The following FAM20C variants were observed in gnomAD, a reference collection of about 807,000 sequenced individuals.
The protein encoded by FAM20C is FAM20C golgi associated secretory pathway kinase.
Under a neutral mutation model 51.5 loss-of-function variants are expected in FAM20C, and 40 were observed. The observed-to-expected ratio is 0.78, with a 90% CI of 0.60 to 1.01. The LOEUF is 1.01. FAM20C is among the 50% of genes least tolerant of loss of function. The pLI, the probability that FAM20C is intolerant of heterozygous loss-of-function variation, is 0.00. For missense variants in FAM20C, 861 were observed against 844.7 expected (o/e 1.02, Z -0.24); for synonymous variants, 406 against 380.6 (o/e 1.07, Z -0.78).
chr7:214,302 G>A (rs1423821315), intron 3 of FAM20C, among the ~76,000 whole-genome samples: 2 of 151,876 alleles, frequency 1.3e-5, no homozygotes, highest in African/African-American at 4.8e-5. Flanking sequence ...TCCAGCCTGG[G>A]CAATAAGAGT....
chr7:217,136 G>A (rs1787021148), intron 3 of FAM20C, among the ~76,000 whole-genome samples: 2 of 152,142 alleles, frequency 1.3e-5, no homozygotes, highest in South Asian at 4.1e-4. Context: ...CCCCCCAGGG[G>A]TGAGCAGATG....
At chr7:199,022 A>C (rs939499823) in intron 2 of FAM20C, among the ~76,000 whole-genome samples, 1 of 152,242 alleles carries the variant, frequency 6.6e-6, no homozygotes, top group East Asian at 1.9e-4. Flanking sequence ...CAAGTGTGCC[A>C]TGGGAGCTGC....
At chr7:206,951 G>A (rs112433514) in intron 2 of FAM20C, among the ~76,000 whole-genome samples, 1 of 40,968 alleles carries the variant, frequency 2.4e-5, no homozygotes, top group African/African-American at 9.7e-5. Flanking sequence ...GTGAGGCGTC[G>A]GTCACGGCCC....
intron 3 of FAM20C, chr7:228,998 G>C: frequency 2.7e-6 from 1 of 369,788 alleles, no homozygotes; most frequent in Non-Finnish European, 5.4e-6. Flanking sequence ...AGGACCCGTA[G>C]TCGGGCCACA....
At chr7:214,126 G>A (rs1442459509) in intron 3 of FAM20C, among the ~76,000 whole-genome samples, 1 of 152,164 alleles carries the variant, frequency 6.6e-6, no homozygotes, top group Non-Finnish European at 1.5e-5. Flanking sequence ...GGGAGTTCAA[G>A]ACCAGCCTGA....
intron 3 of FAM20C, among the ~76,000 whole-genome samples, chr7:222,138 C>T (rs529944862): frequency 2.0e-5 from 3 of 152,282 alleles, no homozygotes; most frequent in Admixed American, 6.5e-5. Flanking sequence ...GCCAGAAGTG[C>T]GCAAGTCAGG....
intron 3 of FAM20C, among the ~76,000 whole-genome samples, chr7:213,949 G>A (rs1786845433): frequency 6.6e-6 from 1 of 152,208 alleles, no homozygotes; most frequent in Non-Finnish European, 1.5e-5. Flanking sequence ...ACGGGCCATT[G>A]ACGTGTCTTC....
At chr7:224,134 G>A (rs1237721509) in intron 3 of FAM20C, among the ~76,000 whole-genome samples, 1 of 148,818 alleles carries the variant, frequency 6.7e-6, no homozygotes, top group Non-Finnish European at 1.5e-5. Context: ...GCACCCTCAC[G>A]GGGGTCTCAC....
At chr7:251,944 C>G (rs1451025489) in intron 5 of FAM20C, among the ~76,000 whole-genome samples, 1 of 152,214 alleles carries the variant, frequency 6.6e-6, no homozygotes, top group Admixed American at 6.5e-5. Context: ...GAACGCAGCC[C>G]CTGGAACCCC....
chr7:222,039 ACAGGGCGGAGC>A (rs200614239), intron 3 of FAM20C, among the ~76,000 whole-genome samples: 3,853 of 97,784 alleles, frequency 0.039, 168 homozygotes, highest in African/African-American at 0.099. Flanking sequence ...GCATCTGGGC[ACAGGGCGGAGC>A]CTCGTCTCCA....
intron 3 of FAM20C, among the ~76,000 whole-genome samples, chr7:236,467 C>T (rs1410823008): frequency 6.6e-6 from 1 of 152,214 alleles, no homozygotes; most frequent in Non-Finnish European, 1.5e-5. Context: ...CCAGTAGACC[C>T]GATCTTCTCA....
chr7:251,457 G>T (rs1788402805), intron 5 of FAM20C, among the ~76,000 whole-genome samples: 1 of 152,104 alleles, frequency 6.6e-6, no homozygotes, highest in Non-Finnish European at 1.5e-5. Flanking sequence ...GGTCTAGGCT[G>T]CAGTGAGCTA....
In FAM20C at chr7:259,717, C is replaced by G; in HGVS notation, c.1506-14C>G. ...CCTGTCCCGTGCCAGGCCTGATGCC[C>G]CTCTCCTCCCCAGGATCCGGAAGTC... On this transcript the variant is annotated splice_polypyrimidine_tract_variant and intron_variant, in intron 9 of 9. Transcript: ENST00000313766. 6.5e-7 allele frequency: 1 copy of G among 1,528,080 alleles called. No homozygotes were observed. The highest frequency in any genetic ancestry group is 8.8e-7 in the Non-Finnish European group (1 of 1,140,726). 94.7% of individuals were successfully genotyped at this position (1,528,080 alleles called of 1,614,324 possible). A position where few individuals can be genotyped will look rare whatever the true frequency, so the allele number is the denominator to read the frequency against.
chr7:241,671 C>T (rs1190816663), intron 3 of FAM20C, among the ~76,000 whole-genome samples: 2 of 151,710 alleles, frequency 1.3e-5, no homozygotes, highest in African/African-American at 2.4e-5. Flanking sequence ...AATGTGTGTA[C>T]GCACATGTAT....
rs112196437 is a variant in FAM20C at position 231,969 on chromosome 7, G to A, written c.864-14446G>A. ...AGCACCCGCCCCTGCCCAGGGTTCC[G>A]CCTGATGGTTTGCTGTTGGTCTCTG... On this transcript the variant is annotated intron_variant, in intron 3 of 9. Transcript: ENST00000313766. Among the ~76,000 whole-genome samples, 911 of 152,278 alleles carry A rather than the reference G, an allele frequency of 6.0e-3. 13 individuals carry two copies. Among genetic ancestry groups the A allele is most frequent in the African/African-American group, 0.02 (848 of 41,542 alleles).
chr7:242,981 T>C (rs993454522), intron 3 of FAM20C, among the ~76,000 whole-genome samples: 19 of 99,374 alleles, frequency 1.9e-4, no homozygotes, highest in Non-Finnish European at 4.0e-4. Context: ...CCACCCGGGA[T>C]ACCTGTGCCA....
chr7:255,941 G>T lies in FAM20C; in HGVS notation c.1165G>T (p.Ala389Ser), dbSNP rs1268459416. The T allele has an allele frequency of 6.5e-7, 1 of 1,536,282 alleles. No individual in the cohort carries two copies. The highest frequency in any genetic ancestry group is 1.2e-5 in the South Asian group (1 of 84,070). The change falls in exon 6 of 10, where the codon GCG (alanine) becomes TCG (serine). Residue 389 changes from alanine (A) to serine (S), a missense_variant. Transcript: ENST00000313766. ...GKPDQIEGSL[A>S]AFLPDLSLAK... Reference sequence around the variant, plus strand: ...GCCAGACCAGATCGAGGGCTCGCTGGCGGCCTTCCTGCCCGACCTGTCCCT... The same window carrying T: ...GCCAGACCAGATCGAGGGCTCGCTGTCGGCCTTCCTGCCCGACCTGTCCCT...
Position 260,145 on chromosome 7 carries a change from C to T in FAM20C, c.*165C>T. 1 of 966,134 alleles carries T rather than the reference C, an allele frequency of 1.0e-6. No individual in the cohort carries two copies. The highest frequency in any genetic ancestry group is 1.7e-5 in the African/African-American group (1 of 60,314). 59.8% of individuals were successfully genotyped at this position (966,134 alleles called of 1,614,324 possible). A position where few individuals can be genotyped will look rare whatever the true frequency, so the allele number is the denominator to read the frequency against. The stretch of plus-strand genomic sequence containing the variant: ...GAGGCTCCCCAGGTCTCATAGGACA[C>T]ATTTTGTCAGTGTTTGACCAGAAAA... On this transcript the variant is annotated 3_prime_UTR_variant, in exon 10 of 10. Transcript: ENST00000313766.
chr7:204,816 T>A (rs1450056685), intron 2 of FAM20C, among the ~76,000 whole-genome samples: 1 of 143,240 alleles, frequency 7.0e-6, no homozygotes, highest in Non-Finnish European at 1.5e-5. Context: ...CGCTGTGCTG[T>A]GTCCCCACAC....
Sources: gnomAD v4.1 joint callset for allele counts (sites outside exome capture counted in the v4.1 genomes callset) on GRCh38, gnomAD v4.1.1 for gene constraint, MANE v1.5 for transcripts, NCBI Gene and HGNC (gene_info 2026-07-23, HGNC 2026-07-21) for gene names.